The following PTPRT variants were observed in gnomAD, a reference collection of about 807,000 sequenced individuals.
PTPRT encodes receptor-type tyrosine-protein phosphatase T.
Under a neutral mutation model 176.8 loss-of-function variants are expected in PTPRT, and 56 were observed. The observed-to-expected ratio is 0.32, with a 90% CI of 0.26 to 0.40. The LOEUF is 0.40. Ranked by LOEUF, PTPRT falls within the 10% of genes least tolerant of loss-of-function variation. PTPRT has a pLI of 1.00. For missense variants in PTPRT, 1,540 were observed against 1,908.2 expected (o/e 0.81, Z 3.60); for synonymous variants, 783 against 739.0 (o/e 1.06, Z -0.96).
chr20:42,495,461 C>T (rs1390988195), intron 7 of PTPRT, among the ~76,000 whole-genome samples: 1 of 152,126 alleles, frequency 6.6e-6, no homozygotes, highest in Non-Finnish European at 1.5e-5. Flanking sequence ...TTGGCATGTC[C>T]ATGCACCTGG....
chr20:42,116,128 C>A (rs534571411), intron 21 of PTPRT: 2 of 712,662 alleles, frequency 2.8e-6, no homozygotes, highest in Non-Finnish European at 5.2e-6. Flanking sequence ...AAACAAGAAA[C>A]AAAAAACAAA....
At chr20:42,938,557 T>A (rs1029802915) in intron 1 of PTPRT, among the ~76,000 whole-genome samples, 1 of 152,108 alleles carries the variant, frequency 6.6e-6, no homozygotes, top group Admixed American at 6.5e-5. Context: ...GCAAGGACAG[T>A]TAAGTTCCTG....
At chr20:42,875,478 A>G (rs1422242655) in intron 2 of PTPRT, among the ~76,000 whole-genome samples, 1 of 152,212 alleles carries the variant, frequency 6.6e-6, no homozygotes, top group African/African-American at 2.4e-5. Flanking sequence ...AAACCATCTT[A>G]TAATATGAGA....
chr20:42,409,901 G>A (rs2145732838), intron 9 of PTPRT, among the ~76,000 whole-genome samples: 1 of 152,218 alleles, frequency 6.6e-6, no homozygotes, highest in East Asian at 1.9e-4. Context: ...CAGTCTCTGA[G>A]TACAACTCAG....
chr20:42,988,796 A>G (rs138416581), intron 1 of PTPRT, among the ~76,000 whole-genome samples: 8 of 152,304 alleles, frequency 5.3e-5, no homozygotes, highest in Admixed American at 2.0e-4. Context: ...CCGGAGGGAC[A>G]TGCTAGGAAT....
At chr20:43,185,158 G>A (rs932860296) in intron 1 of PTPRT, among the ~76,000 whole-genome samples, 12 of 152,304 alleles carry the variant, frequency 7.9e-5, no homozygotes, top group Admixed American at 4.6e-4. Flanking sequence ...ATTGCCTCCT[G>A]GACCCAATTC....
chr20:42,628,922 C>T (rs1215493594), intron 7 of PTPRT, among the ~76,000 whole-genome samples: 2 of 152,126 alleles, frequency 1.3e-5, no homozygotes, highest in South Asian at 2.1e-4. Context: ...TTTGCCAACC[C>T]CTGTTCTTGC....
intron 7 of PTPRT, among the ~76,000 whole-genome samples, chr20:42,540,804 A>G (rs2145577272): frequency 6.6e-6 from 1 of 152,314 alleles, no homozygotes; most frequent in Non-Finnish European, 1.5e-5. Flanking sequence ...CATAGTCAAA[A>G]TAGTGTAAAC....
intron 1 of PTPRT, among the ~76,000 whole-genome samples, chr20:42,902,839 C>T (rs1277973152): frequency 6.6e-6 from 1 of 152,168 alleles, no homozygotes; most frequent in Non-Finnish European, 1.5e-5. Context: ...ATGAAATTCC[C>T]ACTCCTCCTT....
At chr20:42,053,068 A>G in the PTPRT span, among the ~76,000 whole-genome samples, 6 of 152,204 alleles carry the variant, frequency 3.9e-5, no homozygotes, top group Non-Finnish European at 7.3e-5. Flanking sequence ...TATAAAAATA[A>G]GTGGCACGCT....
chr20:43,164,911 T>G (rs1042770133), intron 1 of PTPRT, among the ~76,000 whole-genome samples: 3 of 152,184 alleles, frequency 2.0e-5, no homozygotes, highest in Non-Finnish European at 2.9e-5. Context: ...AGGCCAGATC[T>G]GGCCCATGGG....
intron 2 of PTPRT, among the ~76,000 whole-genome samples, chr20:42,807,111 C>T (rs910713046): frequency 1.3e-5 from 2 of 152,202 alleles, no homozygotes; most frequent in Non-Finnish European, 2.9e-5. Flanking sequence ...AACAATAGAA[C>T]ATTAAGTGCT....
At chr20:42,890,724 G>C (rs1333423470) in intron 1 of PTPRT, among the ~76,000 whole-genome samples, 1 of 152,116 alleles carries the variant, frequency 6.6e-6, no homozygotes, top group South Asian at 2.1e-4. Context: ...GGCCCCAGAC[G>C]TTGCTGCAGG....
At chr20:42,371,303 G>C (rs998944905) in intron 9 of PTPRT, among the ~76,000 whole-genome samples, 4 of 152,188 alleles carry the variant, frequency 2.6e-5, no homozygotes, top group Admixed American at 6.5e-5. Context: ...CAGAGTCAAA[G>C]CACTGATTAT....
chr20:42,052,108 T>C, the PTPRT span, among the ~76,000 whole-genome samples: 1 of 152,214 alleles, frequency 6.6e-6, no homozygotes, highest in Admixed American at 6.5e-5. Context: ...GCATACCCTG[T>C]TGGGCACGGA....
At chr20:42,454,779 T>G (rs960758613) in intron 8 of PTPRT, among the ~76,000 whole-genome samples, 2 of 152,220 alleles carry the variant, frequency 1.3e-5, no homozygotes, top group African/African-American at 4.8e-5. Flanking sequence ...ATTTTAGTTT[T>G]TGTATGGGAG....
At chr20:42,194,922 C>T (rs1040362073) in intron 16 of PTPRT, among the ~76,000 whole-genome samples, 20 of 151,978 alleles carry the variant, frequency 1.3e-4, no homozygotes, top group African/African-American at 3.6e-4. Flanking sequence ...AATCAAACAC[C>T]GCATGTTCTC....
chr20:42,792,890 G>A (rs1372283358), intron 2 of PTPRT, among the ~76,000 whole-genome samples: 1 of 152,236 alleles, frequency 6.6e-6, no homozygotes, highest in African/African-American at 2.4e-5. Context: ...GAGAGAGATA[G>A]AAAGGGAGAG....
intron 1 of PTPRT, among the ~76,000 whole-genome samples, chr20:43,084,357 G>A (rs2011546597): frequency 6.6e-6 from 1 of 151,252 alleles, no homozygotes; most frequent in African/African-American, 2.4e-5. Context: ...AATTCTGCAT[G>A]GCTGGGAAGG....
Sources: gnomAD v4.1 joint callset for allele counts (sites outside exome capture counted in the v4.1 genomes callset) on GRCh38, gnomAD v4.1.1 for gene constraint, MANE v1.5 for transcripts, NCBI Gene and HGNC (gene_info 2026-07-23, HGNC 2026-07-21) for gene names.